The following ABCA13 variants were observed in gnomAD, a reference collection of about 807,000 sequenced individuals.
The protein encoded by ABCA13 is ATP-binding cassette sub-family A member 13.
In ABCA13, 476 loss-of-function variants were observed where a neutral mutation model predicts 478.7. The ratio of observed to expected loss-of-function variants is 0.99; its 90% CI spans 0.92 to 1.07. The LOEUF is 1.07. Ranked by LOEUF, ABCA13 falls within the 50% of genes least tolerant of loss-of-function variation. The pLI, the probability that ABCA13 is intolerant of heterozygous loss-of-function variation, is 0.00. For synonymous variants in ABCA13, 2,252 were observed against 2,158.9 expected (o/e 1.04, Z -1.20); for missense variants, 6,060 against 5,910.6 (o/e 1.03, Z -0.83).
At chr7:48,482,638 T>C (rs6583445) in intron 46 of ABCA13, among the ~76,000 whole-genome samples, 34,488 of 151,820 alleles carry the variant, frequency 0.23, 5,128 homozygotes, top group African/African-American at 0.42. Flanking sequence ...AGGTGGTCCA[T>C]CTGCCTCGGC....
chr7:48,373,204 A>C (rs961166361), intron 33 of ABCA13, among the ~76,000 whole-genome samples: 10 of 152,182 alleles, frequency 6.6e-5, no homozygotes, highest in Admixed American at 2.0e-4. Flanking sequence ...GTTGAGAGAT[A>C]AGACAGAGTC....
intron 55 of ABCA13, among the ~76,000 whole-genome samples, chr7:48,533,861 C>T (rs371443663): frequency 6.6e-6 from 1 of 151,922 alleles, no homozygotes; most frequent in East Asian, 1.9e-4. Flanking sequence ...CTCTTTCCAC[C>T]CCTTTACCTT....
At chr7:48,223,625 T>C (rs1357525636) in intron 5 of ABCA13, among the ~76,000 whole-genome samples, 1 of 151,878 alleles carries the variant, frequency 6.6e-6, no homozygotes, top group Non-Finnish European at 1.5e-5. Context: ...TCTGATGGAA[T>C]GATGAGGGTA....
chr7:48,307,984 G>C (rs576770386), intron 23 of ABCA13, among the ~76,000 whole-genome samples: 100 of 152,198 alleles, frequency 6.6e-4, no homozygotes, highest in African/African-American at 2.4e-3. Context: ...GCACCCTGCC[G>C]AACCTTTAAA....
chr7:48,411,053 C>CTT (rs1412036128), intron 40 of ABCA13, among the ~76,000 whole-genome samples: 8 of 83,698 alleles, frequency 9.6e-5, no homozygotes, highest in Non-Finnish European at 1.9e-4. Context: ...CTTTCTTTTT[C>CTT]TTTCTTTCTT....
At position 48,524,290 on chromosome 7, in the gene ABCA13, T is replaced by A; in HGVS notation, c.14094T>A (p.Asp4698Glu). 1 of 1,612,780 alleles carries A rather than the reference T, an allele frequency of 6.2e-7. No homozygotes were observed. Among genetic ancestry groups the A allele is most frequent in the Non-Finnish European group, 8.5e-7 (1 of 1,179,412 alleles). The change falls in exon 54 of 62, where the codon GAT becomes GAA. Residue 4698 changes from aspartate to glutamate, a missense_variant. Around this residue, in one of 3 missense-constraint regions of ABCA13, gnomAD observed 1,627 missense variants for 1,571.0 expected, o/e 1.04. Transcript: ENST00000435803. ...TLQGTVKSSK[D>E]TDVEKEEKRV... ...AAGGCACAGTCAAATCTTCTAAGGA[T>A]ACAGATGTTGAAAAAGAGGAAAAGA...
intron 15 of ABCA13, among the ~76,000 whole-genome samples, chr7:48,255,076 G>A (rs1340432974): frequency 6.6e-6 from 1 of 152,052 alleles, no homozygotes; most frequent in Non-Finnish European, 1.5e-5. Flanking sequence ...CTGGATGTTT[G>A]TAGTGGAAGG....
chr7:48,192,468 G>C (rs1797231280), intron 1 of ABCA13, among the ~76,000 whole-genome samples: 1 of 152,082 alleles, frequency 6.6e-6, no homozygotes, highest in African/African-American at 2.4e-5. Flanking sequence ...CCTTTGGTAA[G>C]AATATTATGC....
rs546938516 is a variant in ABCA13 at position 48,525,588 on chromosome 7, T to C, written c.14244+1148T>C. Reference sequence around the variant, plus strand: ...AAGTACGGACAGCCATGTAGAAATATGGTTGGACAAAAAGAGTATGACCCA... The same window carrying C: ...AAGTACGGACAGCCATGTAGAAATACGGTTGGACAAAAAGAGTATGACCCA... On this transcript the variant is annotated intron_variant, in intron 54 of 61. Transcript: ENST00000435803. 5.1e-4 allele frequency among the ~76,000 whole-genome samples: 77 copies of C among 151,350 alleles called. 1 individual carries two copies. The Middle Eastern group carries it at 0.01, about 20-fold the overall frequency.
chr7:48,415,074 G>A (rs1164651778), intron 41 of ABCA13, among the ~76,000 whole-genome samples: 1 of 152,276 alleles, frequency 6.6e-6, no homozygotes, highest in Admixed American at 6.5e-5. Context: ...GAGTCAGAAT[G>A]CAGGTTTACA....
intron 45 of ABCA13, among the ~76,000 whole-genome samples, chr7:48,472,658 G>T (rs1218557030): frequency 1.3e-5 from 2 of 152,108 alleles, no homozygotes; most frequent in African/African-American, 4.8e-5. Flanking sequence ...TTGTCATTTT[G>T]CAGTGAAGTG....
chr7:48,196,843 G>A (rs1461121162), intron 2 of ABCA13, among the ~76,000 whole-genome samples: 1 of 152,214 alleles, frequency 6.6e-6, no homozygotes, highest in African/African-American at 2.4e-5. Context: ...CCATGTGGAA[G>A]ATGTTCTGTG....
chr7:48,211,030 G>A (rs565226101), intron 3 of ABCA13, among the ~76,000 whole-genome samples: 1 of 152,232 alleles, frequency 6.6e-6, no homozygotes, highest in Admixed American at 6.5e-5. Context: ...AGAGTTGGAT[G>A]CACCCAATTT....
rs931026006 is a variant in ABCA13 at position 48,278,238 on chromosome 7, T to C, written c.7044T>C (p.Asn2348=). 3 of 1,609,730 alleles carry C rather than the reference T, an allele frequency of 1.9e-6. No individual in the cohort carries two copies. The highest frequency in any genetic ancestry group is 2.5e-6 in the Non-Finnish European group (3 of 1,177,314). The change falls in exon 18 of 62, where the codon AAT becomes AAC. Residue 2348 remains asparagine (N), a synonymous_variant. Coordinates refer to ENST00000435803, the MANE Select transcript of ABCA13 (RefSeq NM_152701.5). ...TGAAAAGTTCATTTATATTAGACAA[T>C]GGAGAATTTTATTTTGATACTCATC... is the stretch of plus-strand genomic sequence containing the variant. The part of the protein sequence containing the change: ...HLMKSSFILD[N]GEFYFDTHQG...
chr7:48,285,430 T>C (rs529246014), intron 19 of ABCA13, among the ~76,000 whole-genome samples: 3 of 152,292 alleles, frequency 2.0e-5, no homozygotes, highest in Non-Finnish European at 2.9e-5. Flanking sequence ...CCAGCTCTTG[T>C]TAGTGTCGAG....
At chr7:48,317,759 G>C (rs893482582) in intron 27 of ABCA13, among the ~76,000 whole-genome samples, 1 of 152,178 alleles carries the variant, frequency 6.6e-6, no homozygotes, top group Non-Finnish European at 1.5e-5. Context: ...GTAAGGCTTT[G>C]CTTCACCCTG....
At chr7:48,430,348 A>G (rs2129141943) in intron 42 of ABCA13, among the ~76,000 whole-genome samples, 1 of 152,258 alleles carries the variant, frequency 6.6e-6, no homozygotes, top group East Asian at 1.9e-4. Context: ...TGTTCATAGT[A>G]ATCAGTTATA....
At chr7:48,202,365 A>G (rs970861987) in intron 3 of ABCA13, among the ~76,000 whole-genome samples, 1 of 152,098 alleles carries the variant, frequency 6.6e-6, no homozygotes, top group Admixed American at 6.5e-5. Context: ...TTGACACAAA[A>G]GTTCTCCAAG....
chr7:48,285,145 A>G (rs1797555745), intron 19 of ABCA13, among the ~76,000 whole-genome samples: 1 of 152,058 alleles, frequency 6.6e-6, no homozygotes, highest in African/African-American at 2.4e-5. Context: ...AGGCCCAGAG[A>G]GTGAGAGTGA....
Sources: allele counts gnomAD v4.1 joint callset (sites outside exome capture counted in the v4.1 genomes callset), GRCh38; gene constraint gnomAD v4.1.1; regional missense constraint gnomAD v4.1.1; transcripts MANE v1.5; gene names NCBI Gene and HGNC (gene_info 2026-07-23, HGNC 2026-07-21).